ITGAL: variants seen among roughly 807,000 people sequenced by gnomAD.
The protein encoded by ITGAL is integrin alpha-L.
A neutral mutation model predicts 138.4 loss-of-function variants in ITGAL; 68 were observed. The observed-to-expected ratio is 0.49, with a 90% CI of 0.40 to 0.60. The LOEUF (loss-of-function observed/expected upper bound fraction) is 0.60. ITGAL is among the 20% of genes least tolerant of loss of function. The pLI, the probability that ITGAL is intolerant of heterozygous loss-of-function variation, is 0.00. For synonymous variants in ITGAL, 561 were observed against 584.3 expected, an observed-to-expected ratio of 0.96 and a Z score of 0.57; for missense variants, 1,256 against 1,478.6, an observed-to-expected ratio of 0.85 and a Z score of 2.47.
chr16:30,503,157 T>C (rs933692099), intron 17 of ITGAL, among the ~76,000 whole-genome samples: 1 of 152,014 alleles, frequency 6.6e-6, no homozygotes, highest in Non-Finnish European at 1.5e-5. Flanking sequence ...CACACAAAAC[T>C]AGAAAAAAAA....
intron 4 of ITGAL, 81 bp downstream of exon 4, chr16:30,475,661 G>A: frequency 1.8e-6 from 2 of 1,110,586 alleles, no homozygotes; most frequent in Middle Eastern, 2.0e-4. Context: ...GAAGAATGTG[G>A]ATAAAAGTTC....
At chr16:30,498,898 C>T in intron 15 of ITGAL, 176 bp from the exon 16 acceptor site, 1 of 618,332 alleles carries the variant, frequency 1.6e-6, no homozygotes, top group Non-Finnish European at 2.8e-6. Flanking sequence ...GAGACCCTCT[C>T]TCAAAATAAA....
chr16:30,475,418 G>T lies in ITGAL; in HGVS notation c.259+18G>T. The T allele has an allele frequency of 1.2e-6, 2 of 1,608,190 alleles. No individual in the cohort carries two copies. Among genetic ancestry groups the T allele is most frequent in the Non-Finnish European group, 1.7e-6 (2 of 1,174,714 alleles). On this transcript the variant is annotated intron_variant, in intron 3 of 30. Coordinates refer to ENST00000356798, the MANE Select transcript of ITGAL (RefSeq NM_002209.3). ...CCTGAGAGGTGAGTAACTGGGGGGT[G>T]AGCTGGGAGGAATGGGATCTTGGGG...
intron 1 of ITGAL, 57 bp from the exon 2 acceptor site, chr16:30,474,139 G>C: frequency 7.5e-7 from 1 of 1,329,526 alleles, no homozygotes; most frequent in South Asian, 1.3e-5. Flanking sequence ...CCACCTGCTG[G>C]GCACGTGCAG....
At chr16:30,518,366 T>A (rs995469682) in intron 28 of ITGAL, among the ~76,000 whole-genome samples, 1 of 151,680 alleles carries the variant, frequency 6.6e-6, no homozygotes, top group Non-Finnish European at 1.5e-5. Context: ...TGAGAATCCC[T>A]TAAACCCGGG....
intron 4 of ITGAL, among the ~76,000 whole-genome samples, chr16:30,476,960 C>T (rs1196050308): frequency 6.6e-6 from 1 of 152,096 alleles, no homozygotes; most frequent in East Asian, 1.9e-4. Context: ...ACCCTCAAGA[C>T]ACTCCGGTGA....
chr16:30,505,040 C>A (rs1280624922), intron 18 of ITGAL: 2 of 370,902 alleles, frequency 5.4e-6, no homozygotes, highest in East Asian at 7.7e-5. Context: ...AAAAAAAGAG[C>A]TGCCAGCAGA....
At chr16:30,490,390 A>G (rs1315296398) in intron 11 of ITGAL, among the ~76,000 whole-genome samples, 2 of 152,132 alleles carry the variant, frequency 1.3e-5, no homozygotes, top group African/African-American at 4.8e-5. Context: ...CCACCGCTAT[A>G]GCCCAGAGCC....
chr16:30,475,282 C>G (rs750907728), intron 2 of ITGAL, 24 bp from the exon 3 acceptor site: 3 of 1,582,492 alleles, frequency 1.9e-6, no homozygotes, highest in Admixed American at 1.7e-5. Flanking sequence ...GCCACTCCCT[C>G]TCACAGGTGA....
chr16:30,495,465 G>A (rs1567474505), intron 13 of ITGAL, among the ~76,000 whole-genome samples: 5 of 152,060 alleles, frequency 3.3e-5, no homozygotes, highest in Admixed American at 2.0e-4. Context: ...GGTAGGCAGC[G>A]CCAAACTTTT....
intron 30 of ITGAL, 55 bp downstream of exon 30, chr16:30,520,022 G>A: frequency 7.7e-7 from 1 of 1,298,292 alleles, no homozygotes; most frequent in Non-Finnish European, 1.1e-6. Context: ...TGGGGAAGGG[G>A]ATCTGGTGGG....
chr16:30,500,457 G>C (rs1192957722), intron 17 of ITGAL, among the ~76,000 whole-genome samples: 1 of 151,962 alleles, frequency 6.6e-6, no homozygotes. Context: ...GGCCTCAAGA[G>C]GTTCTCTTGC....
At position 30,494,370 on chromosome 16, in the gene ITGAL, C is replaced by T. The variant is rs1005330128; in HGVS notation, c.1365+7C>T. On this transcript the variant is annotated splice_region_variant and intron_variant, in intron 12 of 30. Transcript: ENST00000356798. The surrounding 1 kb of genome is among the most constrained non-coding windows in gnomAD (Gnocchi z 4.2). Reference sequence around the variant, plus strand: ...GACAATCCATGGGACCCAGGTGCGCCCAGTCCGAGGGCATCTGCAGACCAG... The same window carrying T: ...GACAATCCATGGGACCCAGGTGCGCTCAGTCCGAGGGCATCTGCAGACCAG... 2.5e-6 allele frequency: 4 copies of T among 1,599,722 alleles called. No homozygotes were observed. In the Admixed American group the frequency reaches 6.8e-5, roughly 27 times the overall value.
At chr16:30,478,982 G>A in intron 4 of ITGAL, 109 bp from the exon 5 acceptor site, 1 of 797,706 alleles carries the variant, frequency 1.3e-6, no homozygotes. Flanking sequence ...TTGGATAGAG[G>A]AAGTGAGAAA....
At chr16:30,491,963 G>A in intron 11 of ITGAL, among the ~76,000 whole-genome samples, 1 of 152,148 alleles carries the variant, frequency 6.6e-6, no homozygotes, top group Non-Finnish European at 1.5e-5. Context: ...CGACAATAGG[G>A]AAGCGGTTCC....
At chr16:30,505,555 T>G (rs1267039233) in intron 20 of ITGAL, 93 bp downstream of exon 20, 3 of 948,204 alleles carry the variant, frequency 3.2e-6, no homozygotes, top group Non-Finnish European at 3.4e-6. Flanking sequence ...AGACACCACT[T>G]CCCTCTCTTG....
At chr16:30,475,200 G>T in intron 2 of ITGAL, 106 bp from the exon 3 acceptor site, 1 of 826,310 alleles carries the variant, frequency 1.2e-6, no homozygotes, top group Non-Finnish European at 2.0e-6. Flanking sequence ...GGGAATGGCT[G>T]CAGTGCTTGG....
At chr16:30,505,525 T>A (rs2050974756) in intron 20 of ITGAL, 63 bp downstream of exon 20, 1 of 1,202,320 alleles carries the variant, frequency 8.3e-7, no homozygotes, top group Admixed American at 1.7e-5. Flanking sequence ...CCCACTCCAC[T>A]CACCAGATAT....
At position 30,496,481 on chromosome 16, in the gene ITGAL, C is replaced by T. The variant is rs757861462; in HGVS notation, c.1747C>T (p.Arg583Cys). The part of the protein sequence containing the change: ...QVLSGIQWFG[R>C]SIHGVKDLEG... ...GCTCTCAGGAATTCAGTGGTTTGGA[C>T]GCTCCATCCATGGGGTGAAGGACCT... The change falls in exon 15 of 31, where the codon CGC becomes TGC. Residue 583 changes from arginine (R) to cysteine (C), a missense_variant. Physicochemically the swap from Arg to Cys is radical, Grantham distance 180. This residue lies in a region of ITGAL where 867 missense variants were observed against 972.5 expected (regional missense o/e 0.89). Transcript: ENST00000356798. 6 of 1,613,560 alleles carry T rather than the reference C, an allele frequency of 3.7e-6. No individual in the cohort carries two copies. The highest frequency in any genetic ancestry group is 1.3e-5 in the African/African-American group (1 of 74,842).
Sources: gnomAD v4.1 joint callset for allele counts (sites outside exome capture counted in the v4.1 genomes callset) on GRCh38, gnomAD v4.1.1 for gene constraint, gnomAD v4.1.1 regional missense constraint, Gnocchi (gnomAD v3.1) non-coding constraint, MANE v1.5 for transcripts, NCBI Gene and HGNC (gene_info 2026-07-23, HGNC 2026-07-21) for gene names.